NPEPL1: variants seen among roughly 807,000 people sequenced by gnomAD.
NPEPL1 encodes probable aminopeptidase NPEPL1.
NPEPL1 carries 45 observed loss-of-function variants against 52.4 expected under a neutral mutation model. The observed-to-expected ratio is 0.86, with a 90% CI of 0.68 to 1.10. The LOEUF (loss-of-function observed/expected upper bound fraction) is 1.10, where lower values mean the gene tolerates loss of function less well. NPEPL1 is among the 50% of genes least tolerant of loss of function. NPEPL1 has a pLI of 0.00. For missense variants in NPEPL1, 696 were observed against 710.9 expected (o/e 0.98, Z 0.24); for synonymous variants, 360 against 314.7 (o/e 1.14, Z -1.52).
At chr20:58,698,915 G>A (rs2084551268) in intron 4 of NPEPL1, 142 bp downstream of exon 4, 1 of 727,042 alleles carries the variant, frequency 1.4e-6, no homozygotes, top group East Asian at 2.7e-5. Context: ...GAGCGCTGCT[G>A]TCTGCCGGGC....
chr20:58,697,429 C>T (rs981062081), intron 3 of NPEPL1, among the ~76,000 whole-genome samples: 1 of 152,246 alleles, frequency 6.6e-6, no homozygotes, highest in Admixed American at 6.5e-5. Context: ...CGCTGACAGG[C>T]GGCAGGGACG....
intron 3 of NPEPL1, 132 bp from the exon 4 acceptor site, chr20:58,698,552 C>T (rs2084539773): frequency 2.6e-6 from 2 of 764,440 alleles, no homozygotes; most frequent in Admixed American, 4.3e-5. Flanking sequence ...TCCCCCTCTC[C>T]CCTCTCTTTG....
intron 5 of NPEPL1, 71 bp downstream of exon 5, chr20:58,699,349 TCGG>T (rs2084562795): frequency 8.6e-7 from 1 of 1,162,012 alleles, no homozygotes; most frequent in African/African-American, 1.5e-5. Flanking sequence ...TGGCAGGGGG[TCGG>T]CGGGCCACAT....
In NPEPL1 at chr20:58,701,428, G is replaced by A. The variant is rs538499314; in HGVS notation, c.822+270G>A. Among the ~76,000 whole-genome samples the A allele has an allele frequency of 3.0e-4, 45 of 151,122 alleles. 1 individual carries two copies. The highest frequency in any genetic ancestry group is 3.5e-3 in the Middle Eastern group (1 of 288). On this transcript the variant is annotated intron_variant, in intron 6 of 11. Transcript: ENST00000356091. ...AGCCAGCCCTCTGAGAGGTGTCATG[G>A]GGTGGGGGGCGGCGAGGTTTCTGGG...
intron 3 of NPEPL1, among the ~76,000 whole-genome samples, chr20:58,695,993 TC>T (rs1460126320): frequency 6.6e-6 from 1 of 152,178 alleles, no homozygotes; most frequent in Admixed American, 6.5e-5. Context: ...TCTCCAGCGT[TC>T]CGACCTGCTC....
intron 6 of NPEPL1, among the ~76,000 whole-genome samples, chr20:58,702,750 A>C (rs2084659554): frequency 6.6e-6 from 1 of 152,204 alleles, no homozygotes; most frequent in Non-Finnish European, 1.5e-5. Flanking sequence ...GTTAACTTTG[A>C]TTTTGAAGAG....
chr20:58,692,739 C>T, upstream of NPEPL1: 1 of 880,208 alleles, frequency 1.1e-6, no homozygotes, highest in Non-Finnish European at 1.4e-6. The surrounding 1 kb of genome is among the most constrained non-coding windows in gnomAD (Gnocchi z 5.7). Flanking sequence ...CCGGGCGGGC[C>T]CTGCACGTCT....
At chr20:58,701,192 G>C (rs757394422) in intron 6 of NPEPL1, 34 bp downstream of exon 6, 2 of 1,455,874 alleles carry the variant, frequency 1.4e-6, no homozygotes, top group Non-Finnish European at 1.8e-6. Flanking sequence ...GGTGCCCTGG[G>C]GGAGGGGAGG....
intron 3 of NPEPL1, among the ~76,000 whole-genome samples, chr20:58,695,020 T>TGTG (rs2084438409): frequency 2.6e-4 from 1 of 3,830 alleles, no homozygotes; most frequent in Non-Finnish European, 5.2e-4. Flanking sequence ...GTGATGTGTG[T>TGTG]GTGTGTGTGG....
intron 6 of NPEPL1, 88 bp from the exon 7 acceptor site, chr20:58,707,035 G>A (rs917470897): frequency 6.9e-4 from 928 of 1,341,202 alleles, no homozygotes; most frequent in Non-Finnish European, 6.7e-4. Context: ...TGGGGCTAGC[G>A]TGGGGCCGGG....
rs2084890419 is a variant in NPEPL1, at chr20:58,713,255, T to C, written c.1002-165T>C. ...CCCTTTGCTCCAGGCACTGCATTGC[T>C]GTAGGGACTGGGGGCATCCCGGCCT... On this transcript the variant is annotated intron_variant, in intron 8 of 11. Transcript: ENST00000356091. The surrounding 1 kb of genome is among the most constrained non-coding windows in gnomAD (Gnocchi z 4.6). The C allele has an allele frequency of 2.4e-6, 2 of 820,726 alleles. No individual in the cohort carries two copies. The highest frequency in any genetic ancestry group is 1.7e-5 in the African/African-American group (1 of 58,040). 50.8% of individuals were successfully genotyped at this position (820,726 alleles called of 1,614,324 possible). A position where few individuals can be genotyped will look rare whatever the true frequency, so the allele number is the denominator to read the frequency against.
Position 58,706,144 on chromosome 20 carries a change from G to A in NPEPL1, c.823-979G>A, listed in dbSNP as rs184941016. 1.2e-4 allele frequency among the ~76,000 whole-genome samples: 19 copies of A among 152,320 alleles called. No homozygotes were observed. In the South Asian group the frequency reaches 2.3e-3, roughly 18 times the overall value. On this transcript the variant is annotated intron_variant, in intron 6 of 11. Transcript: ENST00000356091. ...AAAATGTGTAACACTGTCAACCAGCGTATAGGAAACAGTGTGGACACTGCA... is the reference window on the plus strand; with the variant it reads ...AAAATGTGTAACACTGTCAACCAGCATATAGGAAACAGTGTGGACACTGCA...
Position 58,699,202 on chromosome 20 carries a change from T to A in NPEPL1, c.603T>A (p.Ile201=). ...TTTTCCATGAACATGTCCAGGAGAT[T>A]AACAAAGTTGGAAAGGAGCTGGGGA... ...EMNTDTFLEE[I]NKVGKELGII... Residue 201 remains isoleucine, a synonymous_variant, in exon 5 of 12, where the codon ATT becomes ATA. Transcript: ENST00000356091. 1 of 1,596,046 alleles carries A rather than the reference T, an allele frequency of 6.3e-7. No homozygotes were observed.
In NPEPL1 at chr20:58,694,562, C is replaced by T; in HGVS notation, c.477C>T (p.Asp159=). The T allele has an allele frequency of 6.2e-7, 1 of 1,613,766 alleles. No homozygotes were observed. Among genetic ancestry groups the T allele is most frequent in the Non-Finnish European group, 8.5e-7 (1 of 1,179,796 alleles). ...TGGAGTTTTTCCTGGTGGGACAAGACAACGGGCCGGTGGAGGTGTCCACAT... is the reference window on the plus strand; with the variant it reads ...TGGAGTTTTTCCTGGTGGGACAAGATAACGGGCCGGTGGAGGTGTCCACAT... ...VTVEFFLVGQ[D]NGPVEVSTLQ... The change falls in exon 3 of 12, where the codon GAC becomes GAT. Residue 159 remains aspartate (D), a synonymous_variant. Transcript: ENST00000356091.
At chr20:58,708,508 C>A (rs550979907) in intron 7 of NPEPL1, among the ~76,000 whole-genome samples, 1 of 151,984 alleles carries the variant, frequency 6.6e-6, no homozygotes, top group Admixed American at 6.5e-5. Context: ...CTGTACGCAG[C>A]CTGCAAGCCC....
In NPEPL1 at chr20:58,713,908, C is replaced by T. The variant is rs180684302; in HGVS notation, c.1126-9C>T. The T allele has an allele frequency of 2.5e-4, 361 of 1,455,954 alleles. 1 individual carries two copies. The African/African-American group carries it at 4.6e-3, about 19-fold the overall frequency. The allele number at this position is 1,455,954 out of a possible 1,614,324, so 90.2% of individuals were successfully genotyped here. A position where few individuals can be genotyped will look rare whatever the true frequency, so the allele number is the denominator to read the frequency against. On this transcript the variant is annotated splice_polypyrimidine_tract_variant and intron_variant, in intron 9 of 11. Coordinates refer to ENST00000356091, the MANE Select transcript of NPEPL1 (RefSeq NM_024663.4). The surrounding 1 kb of genome is among the most constrained non-coding windows in gnomAD (Gnocchi z 4.6). ...CGTCCACACGCTTCCCGGGTTCCTG[C>T]CCGCCCAGGGCATTGCCACAGGGAA...
At chr20:58,701,513 C>T (rs1037307699) in intron 6 of NPEPL1, among the ~76,000 whole-genome samples, 2 of 152,096 alleles carry the variant, frequency 1.3e-5, no homozygotes, top group South Asian at 2.1e-4. Context: ...TGTGCTGAGG[C>T]GACAGCTTCA....
rs764214304 is a variant in NPEPL1 at position 58,714,549 on chromosome 20, G to A, written c.1303-11G>A. 6.4e-7 allele frequency: 1 copy of A among 1,561,114 alleles called. No individual in the cohort carries two copies. Among genetic ancestry groups the A allele is most frequent in the South Asian group, 1.2e-5 (1 of 85,156 alleles). ...CAACCCACAGGCACTGTGTCCTCCTGGCCTCCCTAGGACCGAGACAACAGC... is the reference window on the plus strand; with the variant it reads ...CAACCCACAGGCACTGTGTCCTCCTAGCCTCCCTAGGACCGAGACAACAGC... On this transcript the variant is annotated splice_polypyrimidine_tract_variant and intron_variant, in intron 10 of 11. Transcript: ENST00000356091.
Position 58,714,810 on chromosome 20 carries a change from C to T in NPEPL1, c.1413+140C>T, listed in dbSNP as rs559396720. 6.9e-5 allele frequency: 47 copies of T among 685,618 alleles called. No individual in the cohort carries two copies. In the South Asian group the frequency reaches 8.4e-4, roughly 12 times the overall value. 42.5% of individuals were successfully genotyped at this position (685,618 alleles called of 1,614,324 possible). On this transcript the variant is annotated intron_variant, in intron 11 of 11. Transcript: ENST00000356091. The stretch of plus-strand genomic sequence containing the variant: ...AGCTTCCAGCCCGCTGTCCCCACCA[C>T]CCCCAGGTCTCATCCTCCCTGGGAA...
Sources: gnomAD v4.1 joint callset for allele counts (sites outside exome capture counted in the v4.1 genomes callset) on GRCh38, gnomAD v4.1.1 for gene constraint, Gnocchi (gnomAD v3.1) non-coding constraint, MANE v1.5 for transcripts, NCBI Gene and HGNC (gene_info 2026-07-23, HGNC 2026-07-21) for gene names.